Variants in CFAP58 observed in about 807,000 individuals in gnomAD.
CFAP58 encodes the protein cilia- and flagella-associated protein 58.
CFAP58 carries 88 observed loss-of-function variants against 119.5 expected under a neutral mutation model. The observed-to-expected ratio is 0.74, with a 90% confidence interval of 0.62 to 0.88. CFAP58 has a LOEUF of 0.88. Ranked by LOEUF, CFAP58 falls within the 40% of genes least tolerant of loss-of-function variation. The pLI, the probability that CFAP58 is intolerant of heterozygous loss-of-function variation, is 0.00. For synonymous variants in CFAP58, 365 were observed against 366.3 expected (o/e 1.00, Z 0.04); for missense variants, 990 against 1,021.2 (o/e 0.97, Z 0.42).
At chr10:104,345,128 C>T in the CFAP58 span, among the ~76,000 whole-genome samples, 1 of 151,376 alleles carries the variant, frequency 6.6e-6, no homozygotes, top group Non-Finnish European at 1.5e-5. Flanking sequence ...GCCTGGGCGA[C>T]AGAGTGAGAC....
At chr10:104,379,080 T>C (rs910326526) in intron 8 of CFAP58, among the ~76,000 whole-genome samples, 1 of 152,172 alleles carries the variant, frequency 6.6e-6, no homozygotes, top group Non-Finnish European at 1.5e-5. Flanking sequence ...ATTTAGTACA[T>C]TCACAATGTT....
chr10:104,403,515 T>TTG (rs1261935285), intron 13 of CFAP58, among the ~76,000 whole-genome samples: 1 of 151,084 alleles, frequency 6.6e-6, no homozygotes, highest in Non-Finnish European at 1.5e-5. Flanking sequence ...CTGGCACTTT[T>TTG]TTTTTTTTTT....
chr10:104,353,792 G>C (rs1015059187), upstream of CFAP58: 10 of 1,389,272 alleles, frequency 7.2e-6, no homozygotes, highest in South Asian at 1.3e-5. Flanking sequence ...CGCTCGGGGC[G>C]GGCGATAGAG....
chr10:104,443,683 A>T (rs1042649409), intron 15 of CFAP58, among the ~76,000 whole-genome samples: 3 of 152,258 alleles, frequency 2.0e-5, no homozygotes, highest in Admixed American at 6.5e-5. Flanking sequence ...GACAGTGATT[A>T]TAAAACTGTA....
intron 15 of CFAP58, among the ~76,000 whole-genome samples, chr10:104,414,883 T>C (rs1444848510): frequency 6.6e-6 from 1 of 152,120 alleles, no homozygotes; most frequent in Non-Finnish European, 1.5e-5. Flanking sequence ...CGAATTTTAT[T>C]TTATAAACTC....
At chr10:104,384,219 A>G (rs1109126) in intron 9 of CFAP58, among the ~76,000 whole-genome samples, 33,424 of 152,176 alleles carry the variant, frequency 0.22, 3,733 homozygotes, top group Middle Eastern at 0.36. Flanking sequence ...TTTTGTCTGT[A>G]TGCATACAAA....
chr10:104,403,655 G>C lies in CFAP58; in HGVS notation c.2040-74G>C, dbSNP rs376612417. ...TTTTTATATAAGACATAGTGTGTAT[G>C]CAACTAATTAAAGATAGATAGGATA... On this transcript the variant is annotated intron_variant, in intron 13 of 17. Coordinates refer to ENST00000369704, the MANE Select transcript of CFAP58 (RefSeq NM_001008723.2). The C allele has an allele frequency of 3.0e-5, 29 of 963,632 alleles. No homozygotes were observed. The East Asian group carries it at 7.6e-4, about 25-fold the overall frequency. The allele number at this position is 963,632 out of a possible 1,614,324, so 59.7% of individuals were successfully genotyped here.
At position 104,362,136 on chromosome 10, in the gene CFAP58, G is replaced by A. The variant is rs1380294185; in HGVS notation, c.405G>A (p.Glu135=). 1.2e-6 allele frequency: 2 copies of A among 1,614,028 alleles called. No individual in the cohort carries two copies. Among genetic ancestry groups the A allele is most frequent in the East Asian group, 4.5e-5 (2 of 44,874 alleles). The change falls in exon 3 of 18, where the codon GAG becomes GAA. Residue 135 remains glutamate, a synonymous_variant. Transcript: ENST00000369704. ...TAGTGAACCTGACCAAACTAGTGGA[G>A]CAGGGGTCTGGACTGTCAATGGACC... ...EEIVNLTKLV[E]QGSGLSMDQH... is the part of the protein sequence containing the mutation.
At chr10:104,382,184 C>T in intron 9 of CFAP58, 1 of 717,340 alleles carries the variant, frequency 1.4e-6, no homozygotes, top group Non-Finnish European at 2.6e-6. Context: ...AACAGTGGAC[C>T]CTCAGGGAGC....
At chr10:104,339,144 C>G in the CFAP58 span, among the ~76,000 whole-genome samples, 3 of 152,172 alleles carry the variant, frequency 2.0e-5, no homozygotes, top group Non-Finnish European at 2.9e-5. Flanking sequence ...CCTTCTCGGC[C>G]TTCCGAAGCG....
chr10:104,412,000 G>C (rs1008307498), intron 15 of CFAP58, among the ~76,000 whole-genome samples: 2 of 152,134 alleles, frequency 1.3e-5, no homozygotes, highest in Admixed American at 1.3e-4. Context: ...TCCCTCAGGG[G>C]AGAGCTGCAA....
intron 16 of CFAP58, among the ~76,000 whole-genome samples, chr10:104,448,982 C>T (rs1172972723): frequency 6.6e-6 from 1 of 152,220 alleles, no homozygotes; most frequent in Non-Finnish European, 1.5e-5. Flanking sequence ...CCCTTTATCT[C>T]AGGAAATCCA....
At chr10:104,358,126 T>C (rs547937955) in intron 1 of CFAP58, among the ~76,000 whole-genome samples, 33 of 147,860 alleles carry the variant, frequency 2.2e-4, no homozygotes, top group African/African-American at 8.2e-4. Context: ...TATATGTACT[T>C]ATATATACAC....
chr10:104,385,727 T>A (rs917929369), intron 9 of CFAP58, among the ~76,000 whole-genome samples: 1 of 152,132 alleles, frequency 6.6e-6, no homozygotes, highest in Non-Finnish European at 1.5e-5. Context: ...TGGTTTCTGA[T>A]TATGGAAATG....
At chr10:104,438,091 G>A (rs1487030626) in intron 15 of CFAP58, among the ~76,000 whole-genome samples, 1 of 152,130 alleles carries the variant, frequency 6.6e-6, no homozygotes, top group Non-Finnish European at 1.5e-5. Flanking sequence ...TGGGACATAT[G>A]ATAACATTGA....
intron 10 of CFAP58, 86 bp from the exon 11 acceptor site, chr10:104,393,243 T>A: frequency 7.9e-7 from 1 of 1,267,240 alleles, no homozygotes; most frequent in Non-Finnish European, 1.1e-6. Context: ...AGAGCGTCCC[T>A]TAAAAGCTCT....
the CFAP58 span, among the ~76,000 whole-genome samples, chr10:104,343,096 G>A: frequency 6.6e-6 from 1 of 152,280 alleles, no homozygotes; most frequent in African/African-American, 2.4e-5. Flanking sequence ...CACTTCCCTT[G>A]ATTTGGTCAA....
chr10:104,343,957 G>A, the CFAP58 span, among the ~76,000 whole-genome samples: 2 of 152,156 alleles, frequency 1.3e-5, no homozygotes, highest in Non-Finnish European at 1.5e-5. Context: ...TGCCCAGGCT[G>A]GTCTCAGACT....
At chr10:104,438,341 GT>G (rs1325921091) in intron 15 of CFAP58, among the ~76,000 whole-genome samples, 10 of 101,290 alleles carry the variant, frequency 9.9e-5, no homozygotes, top group African/African-American at 4.5e-4. Context: ...TTTGTTTTTT[GT>G]TTTTTGTTTT....
Sources: gnomAD v4.1 joint callset for allele counts (sites outside exome capture counted in the v4.1 genomes callset) on GRCh38, gnomAD v4.1.1 for gene constraint, MANE v1.5 for transcripts, NCBI Gene and HGNC (gene_info 2026-07-23, HGNC 2026-07-21) for gene names.